Variants in CCDC126 observed in about 807,000 individuals in gnomAD.
CCDC126 encodes coiled-coil domain containing 126.
CCDC126 carries 5 observed loss-of-function variants against 11.7 expected under a neutral mutation model. The observed-to-expected ratio is 0.43, with a 90% CI of 0.22 to 0.90. The LOEUF (loss-of-function observed/expected upper bound fraction) is 0.90. Among genes scored for constraint, CCDC126 ranks in the 40% least tolerant of loss-of-function variants. The pLI, the probability that CCDC126 is intolerant of heterozygous loss-of-function variation, is 0.27. For synonymous variants in CCDC126, 60 were observed against 61.9 expected, an observed-to-expected ratio of 0.97 and a Z score of 0.14; for missense variants, 150 against 163.1, an observed-to-expected ratio of 0.92 and a Z score of 0.44.
At chr7:23,604,064 A>AT (rs746868745) in intron 2 of CCDC126, 6 of 152,210 alleles carry the variant, frequency 3.9e-5, no homozygotes, top group Admixed American at 1.3e-4. Flanking sequence ...TTAAACAGGT[A>AT]TTTTACCTCG....
intron 3 of CCDC126, among the ~76,000 whole-genome samples, chr7:23,630,747 A>AG (rs1464689711): frequency 1.9e-4 from 26 of 139,010 alleles, no homozygotes; most frequent in African/African-American, 6.3e-4. Flanking sequence ...AAAAAAAAAA[A>AG]GTCCATAGAA....
intron 3 of CCDC126, among the ~76,000 whole-genome samples, chr7:23,626,514 T>TG (rs1204074087): frequency 3.7e-4 from 57 of 152,222 alleles, no homozygotes; most frequent in Middle Eastern, 3.4e-3. Context: ...AAAAAAAATA[T>TG]TTATTTTAGG....
At chr7:23,633,690 T>C (rs1003781967) in intron 3 of CCDC126, among the ~76,000 whole-genome samples, 3 of 151,888 alleles carry the variant, frequency 2.0e-5, no homozygotes, top group East Asian at 3.9e-4. Context: ...TGGCGAAACC[T>C]TGTCTCTACA....
intron 3 of CCDC126, among the ~76,000 whole-genome samples, chr7:23,640,361 G>A (rs1220824789): frequency 2.6e-5 from 4 of 151,366 alleles, no homozygotes; most frequent in Non-Finnish European, 5.9e-5. Context: ...GCCAGGCATG[G>A]TGTTGCATGC....
chr7:23,628,266 G>GAAA (rs1208122591), intron 3 of CCDC126, among the ~76,000 whole-genome samples: 1 of 152,158 alleles, frequency 6.6e-6, no homozygotes, highest in Non-Finnish European at 1.5e-5. Flanking sequence ...CTCTGGAGGA[G>GAAA]AAAAAGTCAG....
chr7:23,613,990 A>T (rs753807592), intron 3 of CCDC126, among the ~76,000 whole-genome samples: 1 of 152,202 alleles, frequency 6.6e-6, no homozygotes, highest in Non-Finnish European at 1.5e-5. Flanking sequence ...TTGCTGGTGG[A>T]GGATCTTGCC....
At chr7:23,624,527 T>C (rs907316499) in intron 3 of CCDC126, among the ~76,000 whole-genome samples, 3 of 152,216 alleles carry the variant, frequency 2.0e-5, no homozygotes, top group African/African-American at 7.2e-5. Context: ...AGCATTTGGC[T>C]ATATATTTTC....
intron 2 of CCDC126, among the ~76,000 whole-genome samples, chr7:23,610,546 A>G (rs997022968): frequency 3.3e-5 from 5 of 152,176 alleles, no homozygotes; most frequent in Non-Finnish European, 7.4e-5. Context: ...TTAAATGATC[A>G]TCATTCTTTA....
chr7:23,629,706 A>G (rs1463321688), intron 3 of CCDC126, among the ~76,000 whole-genome samples: 3 of 72,990 alleles, frequency 4.1e-5, no homozygotes, highest in African/African-American at 6.4e-5. Context: ...AATGGACTCA[A>G]CAACAGAATG....
intron 3 of CCDC126, among the ~76,000 whole-genome samples, chr7:23,632,945 T>C (rs1054902307): frequency 6.6e-6 from 1 of 152,234 alleles, no homozygotes; most frequent in Non-Finnish European, 1.5e-5. Context: ...TTGTATTTAA[T>C]GTCTGATGAG....
chr7:23,611,527 A>G lies in CCDC126; in HGVS notation c.212A>G (p.Glu71Gly), dbSNP rs1445892066. The change falls in exon 3 of 4, where the codon GAG becomes GGG. Residue 71 changes from glutamate (E) to glycine (G), a missense_variant. Glu to Gly is a moderately conservative substitution (Grantham distance 98, BLOSUM62 -2). Transcript: ENST00000307471. ...AEENKNTVDV[E>G]NGASMAGYAD... is the part of the protein sequence containing the mutation. ...GAAAATAAGAACACAGTGGATGTCG[A>G]GAACGGTGCTTCTATGGCAGGATAT... is the stretch of plus-strand genomic sequence containing the variant. 4.3e-6 allele frequency: 7 copies of G among 1,612,264 alleles called. No homozygotes were observed. Among genetic ancestry groups the G allele is most frequent in the Non-Finnish European group, 5.1e-6 (6 of 1,178,310 alleles).
chr7:23,616,181 A>G (rs965340619), intron 3 of CCDC126, among the ~76,000 whole-genome samples: 4 of 152,172 alleles, frequency 2.6e-5, no homozygotes, highest in African/African-American at 9.7e-5. Flanking sequence ...AGTTGTTTAA[A>G]TATTCTCCTA....
Position 23,644,550 on chromosome 7 carries a change from T to C in CCDC126, c.*1435T>C, listed in dbSNP as rs1367973638. ...GAAAGACAGATTTCCAAATCTCTCT[T>C]CTCTTCTCTGTACTGTCTACCTTTA... On this transcript the variant is annotated 3_prime_UTR_variant, in exon 4 of 4. Transcript: ENST00000307471. 1 of 152,552 alleles carries C rather than the reference T, an allele frequency of 6.6e-6. No homozygotes were observed. Among genetic ancestry groups the C allele is most frequent in the African/African-American group, 2.4e-5 (1 of 41,454 alleles). 9.4% of individuals were successfully genotyped at this position (152,552 alleles called of 1,614,324 possible).
chr7:23,638,202 C>T (rs935038809), intron 3 of CCDC126, among the ~76,000 whole-genome samples: 3 of 152,004 alleles, frequency 2.0e-5, no homozygotes, highest in Non-Finnish European at 2.9e-5. Context: ...GCCACGACCC[C>T]GTCTGGGAGG....
chr7:23,640,313 C>T (rs1783331305), intron 3 of CCDC126, among the ~76,000 whole-genome samples: 1 of 151,714 alleles, frequency 6.6e-6, no homozygotes, highest in African/African-American at 2.4e-5. Context: ...GCCTGACCAA[C>T]ATGGAGAAAC....
intron 2 of CCDC126, among the ~76,000 whole-genome samples, chr7:23,600,784 T>A (rs1367662742): frequency 2.0e-5 from 3 of 152,210 alleles, no homozygotes; most frequent in Admixed American, 6.5e-5. Flanking sequence ...TCTATTTGTG[T>A]TTTTAATATT....
At chr7:23,637,780 A>C (rs180691652) in intron 3 of CCDC126, among the ~76,000 whole-genome samples, 29,080 of 36,284 alleles carry the variant, frequency 0.8, 12,535 homozygotes, top group African/African-American at 0.92. Context: ...CCAGCCGCCC[A>C]GTCCGGGAGG....
intron 3 of CCDC126, 148 bp from the exon 4 acceptor site, chr7:23,642,783 C>G (rs1783386091): frequency 1.7e-6 from 1 of 587,686 alleles, no homozygotes; most frequent in Non-Finnish European, 2.8e-6. Flanking sequence ...AAAAATTAGG[C>G]TTTTCCTATT....
intron 3 of CCDC126, among the ~76,000 whole-genome samples, chr7:23,632,444 A>G (rs534679805): frequency 6.6e-6 from 1 of 152,356 alleles, no homozygotes; most frequent in African/African-American, 2.4e-5. Context: ...GTATTTGAAG[A>G]TCAATCATTG....
Sources: allele counts gnomAD v4.1 joint callset (sites outside exome capture counted in the v4.1 genomes callset), GRCh38; gene constraint gnomAD v4.1.1; transcripts MANE v1.5; gene names NCBI Gene and HGNC (gene_info 2026-07-23, HGNC 2026-07-21).